The following ADAP2 variants were observed in gnomAD, a reference collection of about 807,000 sequenced individuals.
ADAP2 encodes the protein arf-GAP with dual PH domain-containing protein 2.
Under a neutral mutation model 54.9 loss-of-function variants are expected in ADAP2, and 42 were observed. The ratio of observed to expected loss-of-function variants is 0.77; its 90% confidence interval spans 0.60 to 0.99. The LOEUF is 0.99. ADAP2 is among the 50% of genes least tolerant of loss of function. ADAP2 has a pLI of 0.00. For missense variants in ADAP2, 429 were observed against 480.4 expected, an observed-to-expected ratio of 0.89 and a Z score of 1.00; for synonymous variants, 177 against 180.1, an observed-to-expected ratio of 0.98 and a Z score of 0.14.
At chr17:30,934,795 A>G (rs1247820072) in intron 5 of ADAP2, among the ~76,000 whole-genome samples, 4 of 152,216 alleles carry the variant, frequency 2.6e-5, no homozygotes, top group African/African-American at 9.6e-5. Context: ...CTTTAGTAAG[A>G]GATTGAGGCA....
At chr17:30,922,878 C>T (rs1910742406) in intron 1 of ADAP2, 62 bp from the exon 2 acceptor site, 3 of 1,583,804 alleles carry the variant, frequency 1.9e-6, no homozygotes, top group African/African-American at 1.4e-5. Context: ...GTGCCCCGAG[C>T]CCAGCCCTGG....
intron 10 of ADAP2, among the ~76,000 whole-genome samples, chr17:30,957,219 C>T (rs964916311): frequency 1.3e-5 from 2 of 152,156 alleles, no homozygotes; most frequent in African/African-American, 4.8e-5. Context: ...CAGAGAACCT[C>T]AGAAAGGGAC....
chr17:30,944,846 A>G (rs1249742387), intron 5 of ADAP2, 61 bp from the exon 6 acceptor site: 1 of 1,549,308 alleles, frequency 6.5e-7, no homozygotes, highest in Non-Finnish European at 8.8e-7. Flanking sequence ...GCCTTGGTGA[A>G]GGTTGACCAG....
chr17:30,931,903 A>G lies in ADAP2; in HGVS notation c.332A>G (p.Gln111Arg). The G allele has an allele frequency of 6.2e-7, 1 of 1,613,974 alleles. No individual in the cohort carries two copies. The highest frequency in any genetic ancestry group is 1.7e-5 in the Admixed American group (1 of 60,000). Residue 111 changes from glutamine to arginine, a missense_variant, in exon 4 of 11, where the codon CAA becomes CGA. Coordinates refer to ENST00000330889, the MANE Select transcript of ADAP2 (RefSeq NM_018404.3). The part of the protein sequence containing the change: ...QANDCLVLKE[Q>R]WIRAKYERRE... ...TCTCTTTTTAGGGTCTTAAAGGAAC[A>G]ATGGATTCGAGCTAAGTATGAGAGA...
chr17:30,922,307 G>A (rs1910679712), intron 1 of ADAP2, among the ~76,000 whole-genome samples, 199 bp downstream of exon 1: 1 of 150,756 alleles, frequency 6.6e-6, no homozygotes, highest in African/African-American at 2.4e-5. Flanking sequence ...CCCTGCCCCG[G>A]CCCCTACGAG....
chr17:30,957,633 G>A (rs1457271726), intron 10 of ADAP2, among the ~76,000 whole-genome samples: 1 of 152,010 alleles, frequency 6.6e-6, no homozygotes, highest in Non-Finnish European at 1.5e-5. Context: ...GTTTCACCAT[G>A]TTGCTCAGGC....
chr17:30,933,136 A>T (rs1299244727), intron 4 of ADAP2, among the ~76,000 whole-genome samples: 3 of 152,208 alleles, frequency 2.0e-5, no homozygotes, highest in Admixed American at 1.3e-4. Flanking sequence ...TTAGAGGGCC[A>T]GAGGCAGTGC....
intron 2 of ADAP2, among the ~76,000 whole-genome samples, chr17:30,924,587 G>T (rs1004354887): frequency 6.6e-6 from 1 of 152,140 alleles, no homozygotes; most frequent in Non-Finnish European, 1.5e-5. Context: ...GCACTGTGCG[G>T]GTTGGCTGAG....
At chr17:30,936,787 A>G (rs573660054) in intron 5 of ADAP2, among the ~76,000 whole-genome samples, 2 of 152,296 alleles carry the variant, frequency 1.3e-5, no homozygotes, top group African/African-American at 4.8e-5. Flanking sequence ...ATTAAGTTGT[A>G]ATAGTTCTGT....
intron 2 of ADAP2, 81 bp from the exon 3 acceptor site, chr17:30,926,746 C>A: frequency 7.9e-7 from 1 of 1,268,356 alleles, no homozygotes; most frequent in Non-Finnish European, 1.1e-6. Context: ...TCTTCTGACT[C>A]AGCCTAAGTC....
intron 9 of ADAP2, among the ~76,000 whole-genome samples, chr17:30,955,112 TA>T (rs1337610955): frequency 7.6e-6 from 1 of 131,236 alleles, no homozygotes; most frequent in African/African-American, 4.7e-5. Context: ...AGGTATCACT[TA>T]TTTTTTTTTT....
intron 5 of ADAP2, among the ~76,000 whole-genome samples, chr17:30,940,309 A>ATT (rs111307318): frequency 0.17 from 23,889 of 143,942 alleles, 6,075 homozygotes; most frequent in African/African-American, 0.55. Context: ...CCCTTTACAG[A>ATT]TTTTTTTTTT....
chr17:30,936,353 A>G (rs1397384441), intron 5 of ADAP2, among the ~76,000 whole-genome samples: 1 of 152,030 alleles, frequency 6.6e-6, no homozygotes, highest in Non-Finnish European at 1.5e-5. Context: ...TTGTAGAGAT[A>G]GGGTTTTGCT....
chr17:30,939,889 A>G (rs1428450478), intron 5 of ADAP2, among the ~76,000 whole-genome samples: 2 of 152,098 alleles, frequency 1.3e-5, no homozygotes, highest in Non-Finnish European at 2.9e-5. Flanking sequence ...GACACCAGCC[A>G]TTTAGTCCAT....
At position 30,922,024 on chromosome 17, in the gene ADAP2, C is replaced by G. The variant is rs546089992; in HGVS notation, c.10C>G (p.Arg4Gly). 8 of 1,278,182 alleles carry G rather than the reference C, an allele frequency of 6.3e-6. No individual in the cohort carries two copies. In the East Asian group the frequency reaches 1.6e-4, roughly 25 times the overall value. The allele number at this position is 1,278,182 out of a possible 1,614,324, so 79.2% of individuals were successfully genotyped here. MGDRERNKKRLLEL... is the reference protein window; with the variant it reads MGDGERNKKRLLEL... Reference sequence around the variant, plus strand: ...GCCCGCCGGGCCGGCCATGGGCGATCGCGAGCGCAACAAGAAGCGGCTGCT... The same window carrying G: ...GCCCGCCGGGCCGGCCATGGGCGATGGCGAGCGCAACAAGAAGCGGCTGCT... Residue 4 changes from arginine (R) to glycine (G), a missense_variant, in exon 1 of 11, where the codon CGC (arginine) becomes GGC (glycine). Arg to Gly is a moderately radical substitution (Grantham distance 125). Coordinates refer to ENST00000330889, the MANE Select transcript of ADAP2 (RefSeq NM_018404.3).
At chr17:30,931,551 C>T (rs956077788) in intron 3 of ADAP2, among the ~76,000 whole-genome samples, 7 of 152,078 alleles carry the variant, frequency 4.6e-5, no homozygotes, top group African/African-American at 1.7e-4. Context: ...ATGCATCAGT[C>T]CAGGCATGGT....
Position 30,953,354 on chromosome 17 carries a change from C to A in ADAP2, c.804+4C>A, listed in dbSNP as rs769975921. On this transcript the variant is annotated splice_donor_region_variant and intron_variant, in intron 8 of 10. Coordinates refer to ENST00000330889, the MANE Select transcript of ADAP2 (RefSeq NM_018404.3). Reference sequence around the variant, plus strand: ...CATGGAAAAGACTGGGCCAAAGGTACCTTCTATCACTCCCTGGGGAACTTA... The same window carrying A: ...CATGGAAAAGACTGGGCCAAAGGTAACTTCTATCACTCCCTGGGGAACTTA... 12 of 1,613,464 alleles carry A rather than the reference C, an allele frequency of 7.4e-6. No homozygotes were observed. Among genetic ancestry groups the A allele is most frequent in the African/African-American group, 2.7e-5 (2 of 74,840 alleles).
rs147336834 is a variant in ADAP2, at chr17:30,938,173, A to T, written c.510+3876A>T. ...CACAATCCTATGGGTCAGGAATTTG[A>T]GGAGGCCTCGGCTGTTCTGGTGTAC... On this transcript the variant is annotated intron_variant, in intron 5 of 10. Transcript: ENST00000330889. 4.6e-3 allele frequency among the ~76,000 whole-genome samples: 696 copies of T among 152,344 alleles called. 7 individuals carry two copies. The highest frequency in any genetic ancestry group is 0.016 in the African/African-American group (668 of 41,584).
rs1567728613 is a variant in ADAP2, at chr17:30,956,444, C to T, written c.1086C>T (p.Ser362=). The T allele has an allele frequency of 6.2e-7, 1 of 1,614,150 alleles. No homozygotes were observed. Among genetic ancestry groups the T allele is most frequent in the Admixed American group, 1.7e-5 (1 of 60,010 alleles). Residue 362 remains serine (S), a synonymous_variant, in exon 10 of 11, where the codon AGC becomes AGT. Transcript: ENST00000330889. The stretch of plus-strand genomic sequence containing the variant: ...AAAGTTTGCGGGGTGTCCTGTCCAG[C>T]CCCTTGACGCCCCTCAACCGGCTTA... ...WLESLRGVLS[S]PLTPLNRLTA... is the part of the protein sequence containing the mutation.
Sources: allele counts gnomAD v4.1 joint callset (sites outside exome capture counted in the v4.1 genomes callset), GRCh38; gene constraint gnomAD v4.1.1; transcripts MANE v1.5; gene names NCBI Gene and HGNC (gene_info 2026-07-23, HGNC 2026-07-21).